OXCT1: variants seen among roughly 807,000 people sequenced by gnomAD.
The protein encoded by OXCT1 is 3-oxoacid CoA-transferase 1.
OXCT1 carries 27 observed loss-of-function variants against 69.6 expected under a neutral mutation model. That is an observed-to-expected ratio of 0.39 (90% CI 0.29 to 0.54). The LOEUF (loss-of-function observed/expected upper bound fraction) is 0.54. Among genes scored for constraint, OXCT1 ranks in the 20% least tolerant of loss-of-function variants. The pLI is 0.72. For synonymous variants in OXCT1, 202 were observed against 217.8 expected (o/e 0.93, Z 0.64); for missense variants, 437 against 650.2 (o/e 0.67, Z 3.57).
In OXCT1 at chr5:41,739,416, G is replaced by C. The variant is rs1385735182; in HGVS notation, c.1495C>G (p.Gln499Glu). 2 of 1,612,524 alleles carry C rather than the reference G, an allele frequency of 1.2e-6. No homozygotes were observed. Among genetic ancestry groups the C allele is most frequent in the African/African-American group, 2.7e-5 (2 of 74,876 alleles). ...GCAAAATCACACCCAGTACTCTTCT[G>C]TACGTCATCCACTGTCAGGCCTTCC... ...LWEGLTVDDV[Q>E]KSTGCDFAVS... is the part of the protein sequence containing the mutation. Residue 499 changes from glutamine (Q) to glutamate (E), a missense_variant, in exon 16 of 17, where the codon CAG becomes GAG. By Grantham distance (29) the Gln-to-Glu change is conservative (BLOSUM62 2). Around this residue, in one of 4 missense-constraint regions of OXCT1, gnomAD observed 102 missense variants for 162.1 expected, o/e 0.63. Transcript: ENST00000196371.
intron 7 of OXCT1, among the ~76,000 whole-genome samples, chr5:41,814,272 G>A (rs542968833): frequency 1.2e-4 from 18 of 152,252 alleles, no homozygotes; most frequent in Admixed American, 7.2e-4. Flanking sequence ...TCAACTGAAT[G>A]AACTTCAGCA....
intron 13 of OXCT1, among the ~76,000 whole-genome samples, chr5:41,789,162 T>C (rs1464279442): frequency 6.6e-6 from 1 of 152,226 alleles, no homozygotes; most frequent in Non-Finnish European, 1.5e-5. Context: ...GCAAATCTTT[T>C]CTGTAAAGGG....
rs140089314 is a variant in OXCT1 at position 41,739,971 on chromosome 5, C to T, written c.1420-480G>A. 1.5e-4 allele frequency among the ~76,000 whole-genome samples: 23 copies of T among 151,978 alleles called. No homozygotes were observed. The East Asian group carries it at 4.4e-3, about 29-fold the overall frequency. On this transcript the variant is annotated intron_variant, in intron 15 of 16. Coordinates refer to ENST00000196371, the MANE Select transcript of OXCT1 (RefSeq NM_000436.4). Reference sequence around the variant, plus strand: ...ATGATATTTTGGTGAGGATAAATGCCAACTCCCTAATCAGCAATTAGTTGT... The same window carrying T: ...ATGATATTTTGGTGAGGATAAATGCTAACTCCCTAATCAGCAATTAGTTGT...
intron 1 of OXCT1, among the ~76,000 whole-genome samples, chr5:41,869,139 A>G (rs1384721328): frequency 6.6e-6 from 1 of 152,194 alleles, no homozygotes; most frequent in Non-Finnish European, 1.5e-5. Flanking sequence ...ATGCTTCCTA[A>G]GAGGCATTTA....
At chr5:41,858,631 C>G (rs1305832345) in intron 3 of OXCT1, among the ~76,000 whole-genome samples, 2 of 152,134 alleles carry the variant, frequency 1.3e-5, no homozygotes, top group African/African-American at 2.4e-5. Context: ...CAAAAAGATA[C>G]CGCATCAGAG....
At chr5:41,821,500 A>G (rs143725136) in intron 7 of OXCT1, among the ~76,000 whole-genome samples, 4 of 152,358 alleles carry the variant, frequency 2.6e-5, no homozygotes, top group Non-Finnish European at 4.4e-5. Context: ...ATTATTTGGT[A>G]AGAGTTTGTT....
chr5:41,838,364 T>C (rs1292373546), intron 7 of OXCT1, among the ~76,000 whole-genome samples: 1 of 152,230 alleles, frequency 6.6e-6, no homozygotes, highest in Non-Finnish European at 1.5e-5. Flanking sequence ...TGGTCATGTT[T>C]CTACTATGTA....
intron 3 of OXCT1, among the ~76,000 whole-genome samples, chr5:41,860,065 G>A (rs543047544): frequency 1.3e-5 from 2 of 151,836 alleles, no homozygotes; most frequent in African/African-American, 4.8e-5. Context: ...TGAAAGTGCT[G>A]ATAATCAAAA....
chr5:41,754,883 A>C (rs1743982527), intron 14 of OXCT1, among the ~76,000 whole-genome samples: 1 of 152,054 alleles, frequency 6.6e-6, no homozygotes, highest in African/African-American at 2.4e-5. Context: ...TAGATACAGC[A>C]AGCCATTTGC....
intron 15 of OXCT1, among the ~76,000 whole-genome samples, chr5:41,745,997 C>T (rs1353382110): frequency 1.3e-5 from 2 of 152,120 alleles, no homozygotes; most frequent in Non-Finnish European, 2.9e-5. Flanking sequence ...ACCATTCCTT[C>T]CAAAACTACT....
intron 14 of OXCT1, 118 bp downstream of exon 14, chr5:41,761,993 A>G (rs1459271040): frequency 1.2e-5 from 9 of 766,668 alleles, no homozygotes; most frequent in South Asian, 4.1e-5. Context: ...TGTAAATGCT[A>G]TCACCTTGAA....
In OXCT1 at chr5:41,731,165, C is replaced by T. The variant is rs1163337052; in HGVS notation, c.*564G>A. On this transcript the variant is annotated 3_prime_UTR_variant, in exon 17 of 17. Transcript: ENST00000196371. The stretch of plus-strand genomic sequence containing the variant: ...TTTGAACTAGTTATTTCTCCCTGCC[C>T]TCCCCCACAAGAGGCATTCCTGCTT... 1 of 157,366 alleles carries T rather than the reference C, an allele frequency of 6.4e-6. No homozygotes were observed. Among genetic ancestry groups the T allele is most frequent in the African/African-American group, 2.4e-5 (1 of 41,488 alleles). The allele number at this position is 157,366 out of a possible 1,614,324, so 9.7% of individuals were successfully genotyped here.
At chr5:41,804,218 T>C (rs962943525) in intron 9 of OXCT1, among the ~76,000 whole-genome samples, 1 of 152,094 alleles carries the variant, frequency 6.6e-6, no homozygotes, top group African/African-American at 2.4e-5. Flanking sequence ...AATTTATTTC[T>C]CAATAATGCA....
At position 41,870,353 on chromosome 5, in the gene OXCT1, C is replaced by T. The variant is rs773250207; in HGVS notation, c.6G>A (p.Ala2=). The change falls in exon 1 of 17, where the codon GCG becomes GCA. Residue 2 remains alanine, a synonymous_variant. Transcript: ENST00000196371. The surrounding 1 kb of genome is among the most constrained non-coding windows in gnomAD (Gnocchi z 4.2). ...GCCCGGAGGAGAGGAGTTTGAGAGC[C>T]GCCATCTTCGGGCGGTGAGGCAGGA... M[A]ALKLLSSGLR... 8 of 1,613,124 alleles carry T rather than the reference C, an allele frequency of 5.0e-6. No individual in the cohort carries two copies. In the East Asian group the frequency reaches 1.6e-4, roughly 31 times the overall value.
At chr5:41,788,575 C>G (rs1218248331) in intron 13 of OXCT1, among the ~76,000 whole-genome samples, 1 of 151,860 alleles carries the variant, frequency 6.6e-6, no homozygotes, top group Non-Finnish European at 1.5e-5. Context: ...ATTGAAGAGA[C>G]AAAATGACAG....
chr5:41,846,483 A>C (rs1313752394), intron 5 of OXCT1, among the ~76,000 whole-genome samples: 49 of 149,512 alleles, frequency 3.3e-4, no homozygotes, highest in African/African-American at 1.2e-3. Context: ...ATGGCTGCAT[A>C]GTATTCCATG....
At position 41,836,310 on chromosome 5, in the gene OXCT1, C is replaced by G. The variant is rs1026591044; in HGVS notation, c.732+4141G>C. Among the ~76,000 whole-genome samples, 2 of 152,184 alleles carry G rather than the reference C, an allele frequency of 1.3e-5. 1 individual carries two copies. The highest frequency in any genetic ancestry group is 4.1e-4 in the South Asian group (2 of 4,828). On this transcript the variant is annotated intron_variant, in intron 7 of 16. Coordinates refer to ENST00000196371, the MANE Select transcript of OXCT1 (RefSeq NM_000436.4). ...ATATGCGCCCATGTGCACTATTTTT[C>G]CCAAGTAGCTACCTAGGTCCATAAG...
intron 7 of OXCT1, among the ~76,000 whole-genome samples, chr5:41,829,878 CA>C (rs1259133466): frequency 2.0e-5 from 3 of 152,014 alleles, no homozygotes; most frequent in Admixed American, 1.3e-4. Flanking sequence ...CATTAGCATC[CA>C]AAATTTTCAA....
Position 41,794,094 on chromosome 5 carries a change from G to A in OXCT1, c.1173-16C>T. 1.9e-6 allele frequency: 3 copies of A among 1,597,212 alleles called. No homozygotes were observed. Among genetic ancestry groups the A allele is most frequent in the South Asian group, 1.1e-5 (1 of 90,704 alleles). ...GACGTGTCCACTGAGAAAGAAAGAG[G>A]AAGAATAAAGTGAACCTCATAAGCT... On this transcript the variant is annotated splice_polypyrimidine_tract_variant and intron_variant, in intron 12 of 16. Coordinates refer to ENST00000196371, the MANE Select transcript of OXCT1 (RefSeq NM_000436.4).
Sources: gnomAD v4.1 joint callset for allele counts (sites outside exome capture counted in the v4.1 genomes callset) on GRCh38, gnomAD v4.1.1 for gene constraint, gnomAD v4.1.1 regional missense constraint, Gnocchi (gnomAD v3.1) non-coding constraint, MANE v1.5 for transcripts, NCBI Gene and HGNC (gene_info 2026-07-23, HGNC 2026-07-21) for gene names.